Variants in PARVA observed in about 807,000 individuals in gnomAD.
PARVA encodes the protein parvin alpha.
PARVA carries 25 observed loss-of-function variants against 52.6 expected under a neutral mutation model. The observed-to-expected ratio is 0.48, with a 90% CI of 0.35 to 0.66. PARVA has a LOEUF of 0.66. Ranked by LOEUF, PARVA falls within the 30% of genes least tolerant of loss-of-function variation. The pLI is 0.01. For synonymous variants in PARVA, 185 were observed against 179.1 expected (o/e 1.03, Z -0.26); for missense variants, 373 against 450.9 (o/e 0.83, Z 1.56).
chr11:12,512,448 C>T (rs768884170), intron 8 of PARVA, among the ~76,000 whole-genome samples: 4 of 152,176 alleles, frequency 2.6e-5, no homozygotes, highest in Non-Finnish European at 4.4e-5. Flanking sequence ...CTCAGGGCCT[C>T]GCACCCTCCC....
chr11:12,389,378 C>T (rs1259022785), intron 1 of PARVA, among the ~76,000 whole-genome samples: 1 of 152,174 alleles, frequency 6.6e-6, no homozygotes, highest in Non-Finnish European at 1.5e-5. Context: ...CCCCTCTTCC[C>T]CTCTGAGCCC....
At chr11:12,496,368 A>ATGCATGCATGAGTGCC in intron 4 of PARVA, 90 bp from the exon 5 acceptor site, 3 of 1,366,022 alleles carry the variant, frequency 2.2e-6, no homozygotes, top group Non-Finnish European at 3.0e-6. Flanking sequence ...GCATGAGTGC[A>ATGCATGCATGAGTGCC]TGAGAGACCG....
At chr11:12,474,461 G>A (rs1014737411) in intron 3 of PARVA, among the ~76,000 whole-genome samples, 5 of 152,074 alleles carry the variant, frequency 3.3e-5, no homozygotes, top group South Asian at 2.1e-4. Context: ...AGTGGCTGGC[G>A]TGCGCTTGTC....
chr11:12,461,021 C>T (rs1426576), intron 1 of PARVA, among the ~76,000 whole-genome samples: 46,952 of 151,968 alleles, frequency 0.31, 7,827 homozygotes, highest in East Asian at 0.52. Context: ...CGGGATGCAG[C>T]GTCCCCCCCT....
chr11:12,377,680 C>T lies in PARVA; in HGVS notation c.33C>T (p.Val11=), dbSNP rs1247754133. The change falls in exon 1 of 13, where the codon GTC becomes GTT. Residue 11 remains valine (V), a synonymous_variant. Coordinates refer to ENST00000334956, the MANE Select transcript of PARVA (RefSeq NM_018222.5). Reference sequence around the variant, plus strand: ...CCTCCCCGCAGAAGTCGCCTTCTGTCCCCAAGTCTCCCACTCCCAAGTCGC... The same window carrying T: ...CCTCCCCGCAGAAGTCGCCTTCTGTTCCCAAGTCTCCCACTCCCAAGTCGC... MATSPQKSPS[V]PKSPTPKSPP... The T allele has an allele frequency of 1.3e-6, 2 of 1,569,160 alleles. No homozygotes were observed. Among genetic ancestry groups the T allele is most frequent in the Non-Finnish European group, 8.6e-7 (1 of 1,162,432 alleles).
At chr11:12,486,981 C>T (rs531287880) in intron 4 of PARVA, among the ~76,000 whole-genome samples, 29 of 152,270 alleles carry the variant, frequency 1.9e-4, no homozygotes, top group Admixed American at 1.5e-3. Context: ...AGAAATGGGG[C>T]TTTAGGAAAT....
intron 4 of PARVA, among the ~76,000 whole-genome samples, chr11:12,484,192 T>C (rs555234726): frequency 2.6e-5 from 4 of 152,330 alleles, no homozygotes; most frequent in Admixed American, 2.6e-4. Flanking sequence ...TCCAGGAAGA[T>C]GCCTATACAA....
At chr11:12,431,747 C>T (rs1940319042) in intron 1 of PARVA, among the ~76,000 whole-genome samples, 1 of 152,230 alleles carries the variant, frequency 6.6e-6, no homozygotes, top group African/African-American at 2.4e-5. Context: ...CCACCATGGG[C>T]CCCCCACTCC....
chr11:12,498,088 C>T (rs937181246), intron 5 of PARVA, among the ~76,000 whole-genome samples: 2 of 152,000 alleles, frequency 1.3e-5, no homozygotes, highest in African/African-American at 4.8e-5. Context: ...GGCTGGAGGG[C>T]AGTGGTGCAA....
chr11:12,462,961 A>G (rs890322217), intron 1 of PARVA, among the ~76,000 whole-genome samples: 2 of 152,042 alleles, frequency 1.3e-5, no homozygotes, highest in Non-Finnish European at 2.9e-5. Context: ...AGTTACTACT[A>G]TCTTCTTGGT....
rs1024932534 is a variant in PARVA at position 12,473,894 on chromosome 11, A to G, written c.227-19A>G. The G allele has an allele frequency of 5.1e-6, 8 of 1,567,518 alleles. No individual in the cohort carries two copies. The East Asian group carries it at 9.5e-5, about 19-fold the overall frequency. On this transcript the variant is annotated intron_variant, in intron 2 of 12. Coordinates refer to ENST00000334956, the MANE Select transcript of PARVA (RefSeq NM_018222.5). ...TTTCCCATGCCAGCACCCCCACTGAATTCCTTTTCTTTTTAAAGAGGAGAA... is the reference window on the plus strand; with the variant it reads ...TTTCCCATGCCAGCACCCCCACTGAGTTCCTTTTCTTTTTAAAGAGGAGAA...
At chr11:12,420,674 A>G (rs1260406634) in intron 1 of PARVA, among the ~76,000 whole-genome samples, 1 of 152,224 alleles carries the variant, frequency 6.6e-6, no homozygotes, top group Non-Finnish European at 1.5e-5. Context: ...AATAGCTAAC[A>G]TTTATTGATT....
At chr11:12,517,793 G>A in intron 11 of PARVA, 82 bp downstream of exon 11, 2 of 950,334 alleles carry the variant, frequency 2.1e-6, no homozygotes, top group Admixed American at 2.1e-5. Flanking sequence ...GGGCTATCCA[G>A]AAAAAAGGCA....
At chr11:12,519,787 A>G (rs1941614639) in intron 12 of PARVA, among the ~76,000 whole-genome samples, 1 of 152,278 alleles carries the variant, frequency 6.6e-6, no homozygotes, top group Middle Eastern at 3.4e-3. Context: ...CTCATTTATT[A>G]CCACCTTGTC....
chr11:12,505,758 C>A (rs916612651), intron 6 of PARVA, among the ~76,000 whole-genome samples: 1 of 152,216 alleles, frequency 6.6e-6, no homozygotes, highest in Admixed American at 6.5e-5. Flanking sequence ...GTTCAAGCAT[C>A]TTCCTAGTGA....
chr11:12,461,936 A>G (rs753341553), intron 1 of PARVA, among the ~76,000 whole-genome samples: 3 of 152,164 alleles, frequency 2.0e-5, no homozygotes, highest in African/African-American at 4.8e-5. Flanking sequence ...TGAGACCCCA[A>G]CATTCTGCTG....
chr11:12,478,409 T>C (rs1941043665), intron 4 of PARVA: 1 of 270,542 alleles, frequency 3.7e-6, no homozygotes, highest in East Asian at 9.0e-5. Flanking sequence ...TGGGTCACTT[T>C]GCAGCTGTTC....
intron 10 of PARVA, among the ~76,000 whole-genome samples, chr11:12,514,818 A>G (rs1299849514): frequency 6.6e-6 from 1 of 152,240 alleles, no homozygotes; most frequent in Non-Finnish European, 1.5e-5. Context: ...TGGCAACATC[A>G]TGTGGTTAGA....
intron 1 of PARVA, among the ~76,000 whole-genome samples, chr11:12,466,663 T>G (rs2135028976): frequency 6.6e-6 from 1 of 152,168 alleles, no homozygotes; most frequent in South Asian, 2.1e-4. Flanking sequence ...TGATTATCCT[T>G]TTGGTGTTGT....
Sources: allele counts gnomAD v4.1 joint callset (sites outside exome capture counted in the v4.1 genomes callset), GRCh38; gene constraint gnomAD v4.1.1; transcripts MANE v1.5; gene names NCBI Gene and HGNC (gene_info 2026-07-23, HGNC 2026-07-21).